Variants in NRXN3 observed in about 807,000 individuals in gnomAD.
NRXN3 encodes neurexin 3.
NRXN3 carries 32 observed loss-of-function variants against 137.6 expected under a neutral mutation model. That is an observed-to-expected ratio of 0.23 (90% CI 0.18 to 0.31). The LOEUF (loss-of-function observed/expected upper bound fraction) is 0.31. NRXN3 is among the 10% of genes least tolerant of loss of function. The pLI is 1.00. For synonymous variants in NRXN3, 798 were observed against 784.5 expected (o/e 1.02, Z -0.29); for missense variants, 1,574 against 2,062.5 (o/e 0.76, Z 4.59).
At chr14:79,318,824 CAT>C (rs1263339045) in intron 15 of NRXN3, among the ~76,000 whole-genome samples, 1 of 152,134 alleles carries the variant, frequency 6.6e-6, no homozygotes, top group Admixed American at 6.5e-5. Flanking sequence ...TTATAATACT[CAT>C]ATTAAATTTT....
intron 15 of NRXN3, among the ~76,000 whole-genome samples, chr14:79,329,640 T>G (rs1446963290): frequency 6.6e-6 from 1 of 152,208 alleles, no homozygotes; most frequent in Non-Finnish European, 1.5e-5. Context: ...TGTGGGCCAT[T>G]GTTTGTTGAT....
At chr14:79,164,394 C>T (rs943168383) in intron 15 of NRXN3, among the ~76,000 whole-genome samples, 2 of 151,938 alleles carry the variant, frequency 1.3e-5, no homozygotes, top group African/African-American at 4.8e-5. Context: ...TCCTTGTTTT[C>T]TGCATTTTCA....
At chr14:78,617,841 GTCTA>G (rs1397383888) in intron 4 of NRXN3, among the ~76,000 whole-genome samples, 17 of 151,248 alleles carry the variant, frequency 1.1e-4, no homozygotes, top group Admixed American at 2.0e-4. Flanking sequence ...ATCTATATCT[GTCTA>G]TCTATCATCT....
intron 15 of NRXN3, among the ~76,000 whole-genome samples, chr14:79,036,962 C>T (rs1217015142): frequency 6.6e-6 from 1 of 151,950 alleles, no homozygotes; most frequent in Non-Finnish European, 1.5e-5. Flanking sequence ...AAACAATTGC[C>T]GACCACTATT....
chr14:79,357,676 T>C (rs914094551), intron 15 of NRXN3, among the ~76,000 whole-genome samples: 1 of 152,208 alleles, frequency 6.6e-6, no homozygotes, highest in African/African-American at 2.4e-5. Context: ...AGAACTGCTC[T>C]TCCTTTATTT....
chr14:78,380,272 C>T (rs1430056440), intron 4 of NRXN3, among the ~76,000 whole-genome samples: 1 of 125,572 alleles, frequency 8.0e-6, no homozygotes, highest in Non-Finnish European at 1.5e-5. Context: ...CTGCAGTCCG[C>T]AGTCCGGCCT....
At chr14:79,007,431 T>G (rs1017653007) in intron 15 of NRXN3, among the ~76,000 whole-genome samples, 1 of 149,900 alleles carries the variant, frequency 6.7e-6, no homozygotes, top group African/African-American at 2.5e-5. Context: ...TACCTAGAAT[T>G]GTCTCTGAAA....
chr14:79,363,000 TG>T (rs2093740626), intron 15 of NRXN3, among the ~76,000 whole-genome samples: 1 of 136,520 alleles, frequency 7.3e-6, no homozygotes, highest in Admixed American at 8.0e-5. Context: ...AATTTAGAAT[TG>T]GAATTTTTTT....
intron 15 of NRXN3, among the ~76,000 whole-genome samples, chr14:79,205,757 T>C (rs897523769): frequency 6.6e-6 from 1 of 152,230 alleles, no homozygotes; most frequent in African/African-American, 2.4e-5. Context: ...ATTAGCTATA[T>C]ATGCCTTTAA....
chr14:78,992,896 C>G (rs2099521767), intron 15 of NRXN3, among the ~76,000 whole-genome samples: 2 of 152,212 alleles, frequency 1.3e-5, no homozygotes, highest in Admixed American at 6.5e-5. Flanking sequence ...GAGGTGGGTG[C>G]TCATCATGGC....
chr14:78,868,860 C>G, intron 10 of NRXN3, among the ~76,000 whole-genome samples: 1 of 151,796 alleles, frequency 6.6e-6, no homozygotes, highest in East Asian at 1.9e-4. Flanking sequence ...AAAAAAGAAA[C>G]ATAGCTTTGC....
At chr14:78,575,335 G>T (rs1023870174) in intron 4 of NRXN3, among the ~76,000 whole-genome samples, 9 of 152,190 alleles carry the variant, frequency 5.9e-5, no homozygotes, top group African/African-American at 2.2e-4. Context: ...GAGTGTAGTT[G>T]CAGGTTTTCA....
intron 10 of NRXN3, among the ~76,000 whole-genome samples, chr14:78,865,775 T>A (rs1414778928): frequency 6.6e-6 from 1 of 152,166 alleles, no homozygotes; most frequent in African/African-American, 2.4e-5. Flanking sequence ...TGTCACTTTA[T>A]AATAAGACAG....
chr14:79,040,777 C>T (rs750281444), intron 15 of NRXN3, among the ~76,000 whole-genome samples: 1 of 152,140 alleles, frequency 6.6e-6, no homozygotes, highest in African/African-American at 2.4e-5. Context: ...TTTCTGGTAG[C>T]TCCACCTTGT....
chr14:79,603,367 C>T (rs1388234587), intron 16 of NRXN3, among the ~76,000 whole-genome samples: 1 of 152,168 alleles, frequency 6.6e-6, no homozygotes, highest in Non-Finnish European at 1.5e-5. Context: ...GCTGGAATTA[C>T]ATGTGTCTTA....
In NRXN3 at chr14:79,358,665, G is replaced by GAA. The variant is rs760864782; in HGVS notation, c.3263-108554_3263-108553dup. Among the ~76,000 whole-genome samples, 1,041 of 150,032 alleles carry GAA rather than the reference G, an allele frequency of 6.9e-3. 8 individuals carry two copies. Among genetic ancestry groups the GAA allele is most frequent in the Non-Finnish European group, 0.01 (696 of 67,290 alleles). Reference sequence around the variant, plus strand: ...AGAAAGAAAGAAAGAAAGAAAGAAAGAAAGTGTCCTAAAAGAAGTGGTGGT... The same window carrying GAA: ...AGAAAGAAAGAAAGAAAGAAAGAAAGAAAAAGTGTCCTAAAAGAAGTGGTGGT... On this transcript the variant is annotated intron_variant, in intron 15 of 20. Transcript: ENST00000335750.
chr14:79,000,757 A>G (rs550831185), intron 15 of NRXN3, among the ~76,000 whole-genome samples: 1 of 152,286 alleles, frequency 6.6e-6, no homozygotes, highest in South Asian at 2.1e-4. Context: ...CATACATGTC[A>G]TGGACACAAT....
intron 15 of NRXN3, among the ~76,000 whole-genome samples, chr14:79,049,042 A>T (rs1595371018): frequency 9.1e-4 from 6 of 6,612 alleles, no homozygotes; most frequent in African/African-American, 1.4e-3. Context: ...AAAAAAAAAA[A>T]AAAAAAAAAA....
chr14:78,734,000 T>C (rs912750255), intron 8 of NRXN3, among the ~76,000 whole-genome samples: 2 of 152,118 alleles, frequency 1.3e-5, no homozygotes, highest in South Asian at 2.1e-4. Flanking sequence ...AGATGCAAGA[T>C]TGACTGTAGA....
Sources: allele counts gnomAD v4.1 joint callset (sites outside exome capture counted in the v4.1 genomes callset), GRCh38; gene constraint gnomAD v4.1.1; transcripts MANE v1.5; gene names NCBI Gene and HGNC (gene_info 2026-07-23, HGNC 2026-07-21).